ASNSD1: variants seen among roughly 807,000 people sequenced by gnomAD.
The protein encoded by ASNSD1 is asparagine synthetase domain-containing protein 1.
Under a neutral mutation model 48.3 loss-of-function variants are expected in ASNSD1, and 36 were observed. That is an observed-to-expected ratio of 0.75 (90% CI 0.57 to 0.99). ASNSD1 has a LOEUF of 0.99. Ranked by LOEUF, ASNSD1 falls within the 50% of genes least tolerant of loss-of-function variation. The probability of loss-of-function intolerance (pLI) is 0.00; values close to 1 mark genes in which losing one functional copy is unlikely to be tolerated. For missense variants in ASNSD1, 714 were observed against 758.2 expected (o/e 0.94, Z 0.69); for synonymous variants, 257 against 262.1 (o/e 0.98, Z 0.19).
intron 5 of ASNSD1, among the ~76,000 whole-genome samples, chr2:189,668,250 C>A (rs2032855619): frequency 1.3e-5 from 2 of 152,178 alleles, no homozygotes. Flanking sequence ...CATGGTGGCT[C>A]ACACCTGTCT....
In ASNSD1 at chr2:189,666,159, C is replaced by G; in HGVS notation, c.27C>G (p.Asn9Lys). Residue 9 changes from asparagine to lysine, a missense_variant, in exon 4 of 6, where the codon AAC becomes AAG. Asn to Lys is a moderately conservative substitution (Grantham distance 94, BLOSUM62 0). Coordinates refer to ENST00000260952, the MANE Select transcript of ASNSD1 (RefSeq NM_019048.4). MCGICCSV[N>K]FSAEHFSQDL... ...TGTGTGGCATTTGTTGTTCTGTAAA[C>G]TTTTCTGCTGAGCATTTCAGTCAAG... is the stretch of plus-strand genomic sequence containing the variant. 1 of 1,586,696 alleles carries G rather than the reference C, an allele frequency of 6.3e-7. No individual in the cohort carries two copies. Among genetic ancestry groups the G allele is most frequent in the South Asian group, 1.2e-5 (1 of 85,900 alleles).
Position 189,666,383 on chromosome 2 carries a change from A to T in ASNSD1, c.251A>T (p.Lys84Met). ...LWNGEIFSGIKVEAEENDTQI... is the reference protein window; with the variant it reads ...LWNGEIFSGIMVEAEENDTQI... ...AATGGAGAAATTTTTAGTGGAATAA[A>T]GGTTGAAGCTGAAGAGAATGACACT... The change falls in exon 4 of 6, where the codon AAG becomes ATG. Residue 84 changes from lysine to methionine, a missense_variant. Physicochemically the swap from Lys to Met is moderately conservative, Grantham distance 95. Transcript: ENST00000260952. 6.2e-7 allele frequency: 1 copy of T among 1,613,968 alleles called. No homozygotes were observed. Among genetic ancestry groups the T allele is most frequent in the Non-Finnish European group, 8.5e-7 (1 of 1,179,952 alleles).
chr2:189,663,092 C>G (rs2032705527), intron 1 of ASNSD1, among the ~76,000 whole-genome samples: 1 of 151,900 alleles, frequency 6.6e-6, no homozygotes, highest in South Asian at 2.1e-4. Context: ...GAATGTTTGA[C>G]TGCAGCACTT....
Position 189,667,118 on chromosome 2 carries a change from G to T in ASNSD1, c.986G>T (p.Gly329Val). 1.2e-6 allele frequency: 2 copies of T among 1,614,154 alleles called. No individual in the cohort carries two copies. The highest frequency in any genetic ancestry group is 2.2e-5 in the South Asian group (2 of 91,088). Residue 329 changes from glycine to valine, a missense_variant, in exon 4 of 6, where the codon GGC (glycine) becomes GTC (valine). Transcript: ENST00000260952. ...KANVAILFSG[G>V]IDSMVIATLA... ...AATGTTGCAATCCTGTTTTCTGGGGGCATTGATTCCATGGTTATTGCAACC... is the reference window on the plus strand; with the variant it reads ...AATGTTGCAATCCTGTTTTCTGGGGTCATTGATTCCATGGTTATTGCAACC...
At chr2:189,663,849 TGA>T (rs2032727992) in intron 1 of ASNSD1, 50 bp from the exon 2 acceptor site, 2 of 376,448 alleles carry the variant, frequency 5.3e-6, no homozygotes, top group Middle Eastern at 6.9e-4. Context: ...GGATTTTCAT[TGA>T]GCATACTTTG....
Position 189,670,782 on chromosome 2 carries a change from A to G in ASNSD1, c.*56A>G. On this transcript the variant is annotated 3_prime_UTR_variant, in exon 6 of 6. Coordinates refer to ENST00000260952, the MANE Select transcript of ASNSD1 (RefSeq NM_019048.4). ...AGTTTTTATATAATTATATAAAAGT[A>G]AGATACTCTGCTGCTTTACTATTGT... is the stretch of plus-strand genomic sequence containing the variant. 1 of 1,202,282 alleles carries G rather than the reference A, an allele frequency of 8.3e-7. No individual in the cohort carries two copies. Among genetic ancestry groups the G allele is most frequent in the Non-Finnish European group, 1.1e-6 (1 of 907,646 alleles). The allele number at this position is 1,202,282 out of a possible 1,614,324, so 74.5% of individuals were successfully genotyped here.
Position 189,667,837 on chromosome 2 carries a change from A to G in ASNSD1, c.1538A>G (p.His513Arg), listed in dbSNP as rs902083743. 9.9e-6 allele frequency: 16 copies of G among 1,613,972 alleles called. No individual in the cohort carries two copies. Among genetic ancestry groups the G allele is most frequent in the Non-Finnish European group, 1.3e-5 (15 of 1,180,006 alleles). The change falls in exon 5 of 6, where the codon CAT (histidine) becomes CGT (arginine). Residue 513 changes from histidine to arginine, a missense_variant. His to Arg is a conservative substitution (Grantham distance 29, BLOSUM62 0). Coordinates refer to ENST00000260952, the MANE Select transcript of ASNSD1 (RefSeq NM_019048.4). Reference protein sequence around the residue: ...YSRHRVRFQSHGLEGLNKEIM... With the variant: ...YSRHRVRFQSRGLEGLNKEIM... ...CGTCATCGTGTCCGCTTTCAGTCGC[A>G]TGGGCTGGAAGGATTGAATAAGGAA...
intron 3 of ASNSD1, among the ~76,000 whole-genome samples, 181 bp downstream of exon 3, chr2:189,665,632 A>ATG (rs1232367448): frequency 2.2e-5 from 2 of 89,998 alleles, no homozygotes; most frequent in South Asian, 3.7e-4. Context: ...ATATATATAT[A>ATG]TATATATATA....
At chr2:189,663,253 T>G (rs2105682097) in intron 1 of ASNSD1, among the ~76,000 whole-genome samples, 1 of 151,794 alleles carries the variant, frequency 6.6e-6, no homozygotes, top group African/African-American at 2.4e-5. Flanking sequence ...TTTAAATTAT[T>G]TATTTATTTA....
intron 1 of ASNSD1, among the ~76,000 whole-genome samples, 180 bp from the exon 2 acceptor site, chr2:189,663,721 G>A (rs1356010952): frequency 2.0e-5 from 3 of 151,976 alleles, no homozygotes; most frequent in South Asian, 4.1e-4. Flanking sequence ...TTCCTGAACT[G>A]TACCCCCACA....
At chr2:189,664,121 T>C (rs1031815828) in intron 2 of ASNSD1, among the ~76,000 whole-genome samples, 167 bp downstream of exon 2, 2 of 152,198 alleles carry the variant, frequency 1.3e-5, no homozygotes, top group African/African-American at 2.4e-5. Flanking sequence ...TTTAAATGGA[T>C]AGATCTCATA....
chr2:189,666,387 T>C lies in ASNSD1; in HGVS notation c.255T>C (p.Val85=), dbSNP rs1423656416. The part of the protein sequence containing the change: ...WNGEIFSGIK[V]EAEENDTQIL... Reference sequence around the variant, plus strand: ...GAGAAATTTTTAGTGGAATAAAGGTTGAAGCTGAAGAGAATGACACTCAAA... The same window carrying C: ...GAGAAATTTTTAGTGGAATAAAGGTCGAAGCTGAAGAGAATGACACTCAAA... The change falls in exon 4 of 6, where the codon GTT becomes GTC. Residue 85 remains valine (V), a synonymous_variant. Transcript: ENST00000260952. 6.2e-7 allele frequency: 1 copy of C among 1,614,024 alleles called. No homozygotes were observed. Among genetic ancestry groups the C allele is most frequent in the Non-Finnish European group, 8.5e-7 (1 of 1,179,974 alleles).
At position 189,665,617 on chromosome 2, in the gene ASNSD1, T is replaced by TAC. The variant is rs1559034463; in HGVS notation, c.-93+167_-93+168insCA. Reference sequence around the variant, plus strand: ...ATATGTGTATATATATATATATATATATATATATATATATATATATATATA... The same window carrying TAC: ...ATATGTGTATATATATATATATATATACATATATATATATATATATATATATA... On this transcript the variant is annotated intron_variant, in intron 3 of 5. Coordinates refer to ENST00000260952, the MANE Select transcript of ASNSD1 (RefSeq NM_019048.4). 2.0e-4 allele frequency among the ~76,000 whole-genome samples: 22 copies of TAC among 110,160 alleles called. 2 individuals are homozygous for TAC. The highest frequency in any genetic ancestry group is 8.3e-4 in the African/African-American group (22 of 26,460). The allele number at this position is 110,160 out of a possible 152,430, so 72.3% of individuals were successfully genotyped here. A position where few individuals can be genotyped will look rare whatever the true frequency, so the allele number is the denominator to read the frequency against.
chr2:189,668,870 C>T (rs995700137), intron 5 of ASNSD1, among the ~76,000 whole-genome samples: 1 of 152,130 alleles, frequency 6.6e-6, no homozygotes. Flanking sequence ...TGAACAAGTA[C>T]AGTATTTGAA....
intron 5 of ASNSD1, among the ~76,000 whole-genome samples, chr2:189,669,674 A>C (rs1324098342): frequency 6.6e-6 from 1 of 152,194 alleles, no homozygotes; most frequent in African/African-American, 2.4e-5. Context: ...GCATTTTGAG[A>C]TGTGGGATGG....
intron 2 of ASNSD1, among the ~76,000 whole-genome samples, chr2:189,664,746 C>CA (rs545748114): frequency 0.047 from 5,736 of 122,904 alleles, 149 homozygotes; most frequent in African/African-American, 0.081. Context: ...GACTCCTTCT[C>CA]AAAAAAAAAA....
chr2:189,663,946 A>G lies in ASNSD1; in HGVS notation c.-177A>G. The G allele has an allele frequency of 2.6e-6, 1 of 388,400 alleles. No individual in the cohort carries two copies. The highest frequency in any genetic ancestry group is 4.6e-6 in the Non-Finnish European group (1 of 218,674). The allele number at this position is 388,400 out of a possible 1,614,324, so 24.1% of individuals were successfully genotyped here. On this transcript the variant is annotated 5_prime_UTR_variant, in exon 2 of 6. Transcript: ENST00000260952. The stretch of plus-strand genomic sequence containing the variant: ...GGTGGATGAACTTTCTAACCTTAAG[A>G]AGAATAGGGTGAGTTATTATAGGAA...
In ASNSD1 at chr2:189,666,812, CAGT is replaced by C. The variant is rs753143035; in HGVS notation, c.681_683del (p.Val229del). 2 of 1,613,898 alleles carry C rather than the reference CAGT, an allele frequency of 1.2e-6. No homozygotes were observed. Among genetic ancestry groups the C allele is most frequent in the Non-Finnish European group, 1.7e-6 (2 of 1,179,928 alleles). ...TCAGCAGACTTACCAGCATTTGTAT[CAGT>C]GGTAGCAAATGAAGCCAAACTGTAT... On this transcript the variant is annotated inframe_deletion, in exon 4 of 6. Transcript: ENST00000260952.
chr2:189,665,640 A>ATG (rs2032783830), intron 3 of ASNSD1, among the ~76,000 whole-genome samples, 189 bp downstream of exon 3: 1 of 119,448 alleles, frequency 8.4e-6, no homozygotes, highest in Non-Finnish European at 1.7e-5. Flanking sequence ...ATATATATAT[A>ATG]TATATATTAT....
Sources: allele counts gnomAD v4.1 joint callset (sites outside exome capture counted in the v4.1 genomes callset), GRCh38; gene constraint gnomAD v4.1.1; transcripts MANE v1.5; gene names NCBI Gene and HGNC (gene_info 2026-07-23, HGNC 2026-07-21).